Variants in FGF14 observed in about 807,000 individuals in gnomAD.
FGF14 encodes the protein fibroblast growth factor 14, also known as fibroblast growth factor homologous factor 4.
In FGF14, 5 loss-of-function variants were observed where a neutral mutation model predicts 25.5. The observed-to-expected ratio is 0.20, with a 90% CI of 0.10 to 0.41. FGF14 has a LOEUF of 0.41. FGF14 is among the 10% of genes least tolerant of loss of function. The pLI, the probability that FGF14 is intolerant of heterozygous loss-of-function variation, is 1.00. For missense variants in FGF14, 222 were observed against 320.1 expected (o/e 0.69, Z 2.34); for synonymous variants, 138 against 118.3 (o/e 1.17, Z -1.08).
At chr13:102,106,980 C>T (rs1175872552) in intron 1 of FGF14, among the ~76,000 whole-genome samples, 1 of 152,148 alleles carries the variant, frequency 6.6e-6, no homozygotes, top group East Asian at 1.9e-4. Flanking sequence ...CTCACGGAAG[C>T]ATTTCAAGAA....
chr13:101,968,360 G>A (rs2037353163), intron 1 of FGF14, among the ~76,000 whole-genome samples: 1 of 152,016 alleles, frequency 6.6e-6, no homozygotes. Context: ...TATTTTAACA[G>A]CTACTGAACA....
At chr13:101,972,856 A>C (rs2037689374) in intron 1 of FGF14, among the ~76,000 whole-genome samples, 1 of 152,190 alleles carries the variant, frequency 6.6e-6, no homozygotes, top group Non-Finnish European at 1.5e-5. Flanking sequence ...AAAGCCAATA[A>C]ATTTAATGCA....
chr13:101,922,536 T>A (rs760636908), intron 1 of FGF14, among the ~76,000 whole-genome samples: 46 of 152,304 alleles, frequency 3.0e-4, no homozygotes, highest in Non-Finnish European at 6.5e-4. Flanking sequence ...TGTTGATTGA[T>A]AAATTGACAA....
chr13:102,110,520 T>G (rs1349171795), intron 1 of FGF14, among the ~76,000 whole-genome samples: 1 of 152,204 alleles, frequency 6.6e-6, no homozygotes, highest in African/African-American at 2.4e-5. Context: ...TCAGGATTTG[T>G]CTGTGGCTGC....
chr13:102,031,762 G>T (rs2041223082), intron 1 of FGF14, among the ~76,000 whole-genome samples: 2 of 151,748 alleles, frequency 1.3e-5, no homozygotes, highest in African/African-American at 4.8e-5. Context: ...CTTTAGAAAT[G>T]TATTTCCTTA....
At chr13:102,020,185 A>T (rs926455302) in intron 1 of FGF14, among the ~76,000 whole-genome samples, 2 of 152,112 alleles carry the variant, frequency 1.3e-5, no homozygotes, top group African/African-American at 4.8e-5. Context: ...AGGGAGGGAC[A>T]TGAGAGTGGT....
rs192104278 is a variant in FGF14, at chr13:102,034,303, C to A, written c.209-159007G>T. 4.6e-5 allele frequency among the ~76,000 whole-genome samples: 7 copies of A among 152,244 alleles called. No individual in the cohort carries two copies. The East Asian group carries it at 1.4e-3, about 30-fold the overall frequency. On this transcript the variant is annotated intron_variant, in intron 1 of 4. Transcript: ENST00000376131. Reference sequence around the variant, plus strand: ...ACCTGATGGAGTCACAATGTTTTCTCATTCTGTGGAGAGAACAATGAATGA... The same window carrying A: ...ACCTGATGGAGTCACAATGTTTTCTAATTCTGTGGAGAGAACAATGAATGA...
At chr13:101,726,241 CTTAT>C in intron 4 of FGF14, among the ~76,000 whole-genome samples, 1 of 152,014 alleles carries the variant, frequency 6.6e-6, no homozygotes, top group East Asian at 1.9e-4. Context: ...TTCTAATATA[CTTAT>C]TATCTTTTTC....
intron 1 of FGF14, among the ~76,000 whole-genome samples, chr13:101,927,180 G>T (rs1436845786): frequency 6.6e-6 from 1 of 152,148 alleles, no homozygotes; most frequent in Non-Finnish European, 1.5e-5. Flanking sequence ...GTACCCAATG[G>T]TTAAAAGAAG....
chr13:102,155,416 G>C (rs1459522376), intron 1 of FGF14, among the ~76,000 whole-genome samples: 1 of 152,096 alleles, frequency 6.6e-6, no homozygotes. Flanking sequence ...ATGACTACTG[G>C]GTACATAACG....
intron 1 of FGF14, among the ~76,000 whole-genome samples, chr13:101,899,960 A>G (rs2031305095): frequency 6.6e-6 from 1 of 152,086 alleles, no homozygotes; most frequent in South Asian, 2.1e-4. Context: ...TAAAACATAC[A>G]TTTTGTTTTC....
chr13:102,080,099 G>A (rs1232930133), intron 1 of FGF14, among the ~76,000 whole-genome samples: 1 of 152,106 alleles, frequency 6.6e-6, no homozygotes, highest in Non-Finnish European at 1.5e-5. Flanking sequence ...CATTGACTTG[G>A]GAAGCCACTG....
In FGF14 at chr13:101,878,863, GT is replaced by G. The variant is rs1347300681; in HGVS notation, c.194-3568del. Among the ~76,000 whole-genome samples the G allele has an allele frequency of 5.9e-5, 9 of 151,870 alleles. No homozygotes were observed. The East Asian group carries it at 1.7e-3, about 29-fold the overall frequency. On this transcript the variant is annotated intron_variant, in intron 1 of 4. Coordinates refer to ENST00000376143, the MANE Select transcript of FGF14 (RefSeq NM_004115.4). ...TAATATGTAAAAATACATGTAATAT[GT>G]AAAAAAATGCTCATTTTTTTCAATA...
intron 2 of FGF14, among the ~76,000 whole-genome samples, chr13:101,871,931 C>T (rs1039252670): frequency 6.6e-6 from 1 of 152,062 alleles, no homozygotes; most frequent in African/African-American, 2.4e-5. Flanking sequence ...CAGAGATCTA[C>T]ATATATTAGA....
At chr13:101,898,215 G>T (rs1040778391) in intron 1 of FGF14, among the ~76,000 whole-genome samples, 4 of 151,976 alleles carry the variant, frequency 2.6e-5, no homozygotes, top group African/African-American at 9.7e-5. Context: ...TTAGATGAGG[G>T]ATCTTCAAAC....
intron 1 of FGF14, among the ~76,000 whole-genome samples, chr13:102,054,091 T>C (rs941103427): frequency 2.6e-5 from 4 of 152,100 alleles, no homozygotes; most frequent in Non-Finnish European, 4.4e-5. Context: ...GCAGCATCCT[T>C]AGGAACAAGA....
At chr13:101,969,825 A>T (rs192434320) in intron 1 of FGF14, among the ~76,000 whole-genome samples, 50 of 152,258 alleles carry the variant, frequency 3.3e-4, no homozygotes, top group Middle Eastern at 3.4e-3. Flanking sequence ...GGTTGGGTGG[A>T]GGTTGCTCTA....
chr13:102,101,085 C>T (rs888492872), intron 1 of FGF14, among the ~76,000 whole-genome samples: 10 of 149,726 alleles, frequency 6.7e-5, no homozygotes, highest in African/African-American at 2.2e-4. Context: ...GGTGACAGAG[C>T]GAGACTCCGT....
At chr13:101,893,687 C>T (rs775873144) in intron 1 of FGF14, among the ~76,000 whole-genome samples, 7 of 152,018 alleles carry the variant, frequency 4.6e-5, no homozygotes, top group Non-Finnish European at 1.0e-4. Flanking sequence ...TGTAGATGGC[C>T]TCTAGAAATG....
Sources: allele counts gnomAD v4.1 joint callset (sites outside exome capture counted in the v4.1 genomes callset), GRCh38; gene constraint gnomAD v4.1.1; transcripts MANE v1.5; gene names NCBI Gene and HGNC (gene_info 2026-07-23, HGNC 2026-07-21).